The following KIRREL3 variants were observed in gnomAD, a reference collection of about 807,000 sequenced individuals.
KIRREL3 encodes kirre like nephrin family adhesion molecule 3, also known as kin of IRRE-like protein 3.
Under a neutral mutation model 89.7 loss-of-function variants are expected in KIRREL3, and 36 were observed. That is an observed-to-expected ratio of 0.40 (90% CI 0.31 to 0.53). The LOEUF is 0.53. Among genes scored for constraint, KIRREL3 ranks in the 20% least tolerant of loss-of-function variants. The pLI is 0.49. For missense variants in KIRREL3, 864 were observed against 1,056.6 expected (o/e 0.82, Z 2.53); for synonymous variants, 445 against 441.4 (o/e 1.01, Z -0.10).
rs1034785098 is a variant in KIRREL3, at chr11:126,763,623, G to A, written c.56-200711C>T. On this transcript the variant is annotated intron_variant, in intron 1 of 16. Coordinates refer to ENST00000525144, the MANE Select transcript of KIRREL3 (RefSeq NM_032531.4). The surrounding 1 kb of genome is among the most constrained non-coding windows in gnomAD (Gnocchi z 4.7). ...CGAGAGTAGGTGGTAGGTAGGCAAT[G>A]GCCAGTGGGGCCAGCGCGGGTTTGA... 4.6e-5 allele frequency among the ~76,000 whole-genome samples: 7 copies of A among 152,210 alleles called. No homozygotes were observed. Among genetic ancestry groups the A allele is most frequent in the Admixed American group, 1.3e-4 (2 of 15,290 alleles).
chr11:126,473,786 G>T (rs1462388006), intron 4 of KIRREL3, among the ~76,000 whole-genome samples: 1 of 152,002 alleles, frequency 6.6e-6, no homozygotes, highest in East Asian at 1.9e-4. Context: ...GATGTCTGTG[G>T]CTGCTTTTTA....
rs955867381 is a variant in KIRREL3 at position 126,946,937 on chromosome 11, G to C, written c.55+53518C>G. 2.6e-5 allele frequency among the ~76,000 whole-genome samples: 4 copies of C among 152,120 alleles called. No homozygotes were observed. The highest frequency in any genetic ancestry group is 9.7e-5 in the African/African-American group (4 of 41,426). Reference sequence around the variant, plus strand: ...GAGATTGAATGTGCAGGCATTGAGTGGTTAAATAACTTCCTAGGCACACTG... The same window carrying C: ...GAGATTGAATGTGCAGGCATTGAGTCGTTAAATAACTTCCTAGGCACACTG... On this transcript the variant is annotated intron_variant, in intron 1 of 16. Transcript: ENST00000525144. This position sits in a 1 kb window ranked among gnomAD's most constrained non-coding sequence, Gnocchi z 4.1.
rs374892870 is a variant in KIRREL3 at position 126,944,080 on chromosome 11, A to G, written c.55+56375T>C. Among the ~76,000 whole-genome samples the G allele has an allele frequency of 2.0e-4, 31 of 152,282 alleles. 1 individual carries two copies. Among genetic ancestry groups the G allele is most frequent in the African/African-American group, 7.5e-4 (31 of 41,568 alleles). On this transcript the variant is annotated intron_variant, in intron 1 of 16. Transcript: ENST00000525144. ...AAGGAAGATCCTTATCTCTGAAGAT[A>G]CCAGGACACAGAGAGGAATCTGAAT...
At chr11:126,481,637 G>T (rs1193125940) in intron 4 of KIRREL3, among the ~76,000 whole-genome samples, 1 of 152,210 alleles carries the variant, frequency 6.6e-6, no homozygotes, top group African/African-American at 2.4e-5. Context: ...TTGCCAACTA[G>T]CCTGGTTAAC....
At chr11:126,864,945 T>C (rs1944869464) in intron 1 of KIRREL3, among the ~76,000 whole-genome samples, 1 of 152,160 alleles carries the variant, frequency 6.6e-6, no homozygotes, top group South Asian at 2.1e-4. Flanking sequence ...ACAGAGTACA[T>C]GTCCTGTTCA....
At chr11:126,472,731 A>AGAGAGC (rs1416539561) in intron 5 of KIRREL3, among the ~76,000 whole-genome samples, 2 of 151,556 alleles carry the variant, frequency 1.3e-5, no homozygotes, top group African/African-American at 4.9e-5. Flanking sequence ...AGAGAGAGAG[A>AGAGAGC]GCACAAGTCA....
intron 1 of KIRREL3, among the ~76,000 whole-genome samples, chr11:126,922,380 T>C (rs1463169867): frequency 4.6e-5 from 7 of 152,082 alleles, no homozygotes; most frequent in Non-Finnish European, 8.8e-5. Flanking sequence ...TCACCCCTAC[T>C]CTCAGTAGAA....
intron 1 of KIRREL3, among the ~76,000 whole-genome samples, chr11:126,671,526 C>T (rs1412742973): frequency 1.3e-5 from 2 of 152,146 alleles, no homozygotes; most frequent in Admixed American, 6.6e-5. Flanking sequence ...TTGTAAATCA[C>T]ATATCAGATA....
chr11:126,602,816 G>A (rs966790826), intron 1 of KIRREL3, among the ~76,000 whole-genome samples: 74 of 152,324 alleles, frequency 4.9e-4, no homozygotes, highest in African/African-American at 1.7e-3. Context: ...GGGCTGGGAG[G>A]ACAGGTAAGA....
intron 1 of KIRREL3, among the ~76,000 whole-genome samples, chr11:126,834,765 G>C (rs1279326350): frequency 6.6e-6 from 1 of 152,256 alleles, no homozygotes; most frequent in Non-Finnish European, 1.5e-5. Flanking sequence ...ACTCTCATCT[G>C]TGCAGCTGGC....
intron 1 of KIRREL3, among the ~76,000 whole-genome samples, chr11:126,670,814 A>G (rs1471479387): frequency 6.6e-6 from 1 of 152,256 alleles, no homozygotes; most frequent in East Asian, 1.9e-4. Flanking sequence ...TTTTGTAGAT[A>G]CAACAAACTT....
rs1240586654 is a variant in KIRREL3 at position 126,808,120 on chromosome 11, C to T, written c.55+192335G>A. Among the ~76,000 whole-genome samples the T allele has an allele frequency of 3.9e-5, 6 of 152,134 alleles. No individual in the cohort carries two copies. The highest frequency in any genetic ancestry group is 3.3e-4 in the Admixed American group (5 of 15,278). ...GCTCTCCAGGCCAGCTGCAGGACTG[C>T]AGATACTGACCTGGGGTTGAGGAGC... is the stretch of plus-strand genomic sequence containing the variant. On this transcript the variant is annotated intron_variant, in intron 1 of 16. Transcript: ENST00000525144. The surrounding 1 kb of genome is among the most constrained non-coding windows in gnomAD (Gnocchi z 4.1).
At chr11:126,934,334 T>C (rs1224191708) in intron 1 of KIRREL3, among the ~76,000 whole-genome samples, 1 of 152,134 alleles carries the variant, frequency 6.6e-6, no homozygotes, top group African/African-American at 2.4e-5. Context: ...TTGACATAAA[T>C]GTAGAAGCTA....
chr11:126,970,978 G>A lies in KIRREL3; in HGVS notation c.55+29477C>T, dbSNP rs186560624. Among the ~76,000 whole-genome samples, 64 of 152,258 alleles carry A rather than the reference G, an allele frequency of 4.2e-4. No homozygotes were observed. Among genetic ancestry groups the A allele is most frequent in the Middle Eastern group, 3.4e-3 (1 of 294 alleles). On this transcript the variant is annotated intron_variant, in intron 1 of 16. Coordinates refer to ENST00000525144, the MANE Select transcript of KIRREL3 (RefSeq NM_032531.4). This position sits in a 1 kb window ranked among gnomAD's most constrained non-coding sequence, Gnocchi z 4.4. ...CTTACAGTAGCTGCGAGGTGCACAG[G>A]TAGTTTTAGGATTTAACATGTTTAG...
At chr11:126,446,285 C>CTTTCTTTCTTTCTTTCTTTCTTT (rs111774154) in intron 9 of KIRREL3, among the ~76,000 whole-genome samples, 2 of 143,282 alleles carry the variant, frequency 1.4e-5, no homozygotes, top group African/African-American at 5.2e-5. Context: ...TTTTCTTTCT[C>CTTTCTTTCTTTCTTTCTTTCTTT]CTTTCTTTCT....
At chr11:126,738,244 A>T (rs1948869095) in intron 1 of KIRREL3, among the ~76,000 whole-genome samples, 1 of 152,198 alleles carries the variant, frequency 6.6e-6, no homozygotes. Flanking sequence ...ATTTTGAATT[A>T]ATCATAGGGG....
At chr11:126,732,142 A>G (rs543020036) in intron 1 of KIRREL3, among the ~76,000 whole-genome samples, 1 of 152,288 alleles carries the variant, frequency 6.6e-6, no homozygotes, top group African/African-American at 2.4e-5. Flanking sequence ...CCATTTGGAG[A>G]CTAAGGATTC....
At chr11:126,767,137 C>T (rs751434144) in intron 1 of KIRREL3, among the ~76,000 whole-genome samples, 1 of 152,206 alleles carries the variant, frequency 6.6e-6, no homozygotes, top group Non-Finnish European at 1.5e-5. Flanking sequence ...GACTGGGAGA[C>T]AAAAGGACCA....
chr11:126,875,080 T>A (rs186452045), intron 1 of KIRREL3, among the ~76,000 whole-genome samples: 303 of 152,218 alleles, frequency 2.0e-3, no homozygotes, highest in Admixed American at 3.7e-3. Context: ...ATTACCCCAA[T>A]CCTGTGTGAT....
Sources: gnomAD v4.1 joint callset for allele counts (sites outside exome capture counted in the v4.1 genomes callset) on GRCh38, gnomAD v4.1.1 for gene constraint, Gnocchi (gnomAD v3.1) non-coding constraint, MANE v1.5 for transcripts, NCBI Gene and HGNC (gene_info 2026-07-23, HGNC 2026-07-21) for gene names.